The following ITGA11 variants were observed in gnomAD, a reference collection of about 807,000 sequenced individuals.
ITGA11 encodes the protein integrin subunit alpha 11.
In ITGA11, 97 loss-of-function variants were observed where a neutral mutation model predicts 141.9. The observed-to-expected ratio is 0.68, with a 90% CI of 0.58 to 0.81. The LOEUF (loss-of-function observed/expected upper bound fraction) is 0.81. Among genes scored for constraint, ITGA11 ranks in the 30% least tolerant of loss-of-function variants. ITGA11 has a pLI of 0.00. For missense variants in ITGA11, 1,387 were observed against 1,559.2 expected (o/e 0.89, Z 1.86); for synonymous variants, 658 against 624.6 (o/e 1.05, Z -0.80).
At chr15:68,371,331 C>G (rs1567148161) in intron 2 of ITGA11, among the ~76,000 whole-genome samples, 1 of 152,334 alleles carries the variant, frequency 6.6e-6, no homozygotes, top group East Asian at 1.9e-4. Flanking sequence ...TCCTGAGGGA[C>G]ACGTTCCTCC....
intron 8 of ITGA11, 104 bp from the exon 9 acceptor site, chr15:68,350,886 G>T: frequency 8.4e-7 from 1 of 1,188,884 alleles, no homozygotes; most frequent in Non-Finnish European, 1.2e-6. Context: ...GCTGGAGCCA[G>T]GGCCGGTAGC....
At chr15:68,331,796 C>T in intron 14 of ITGA11, 63 bp downstream of exon 14, 1 of 1,380,664 alleles carries the variant, frequency 7.2e-7, no homozygotes, top group South Asian at 1.2e-5. Flanking sequence ...CACAGAAGCT[C>T]CTGGGACTCC....
intron 2 of ITGA11, among the ~76,000 whole-genome samples, chr15:68,372,099 C>G (rs1322958882): frequency 6.6e-6 from 1 of 152,192 alleles, no homozygotes; most frequent in Non-Finnish European, 1.5e-5. Flanking sequence ...CTGGAGTTCT[C>G]CTGGGACAGC....
intron 11 of ITGA11, among the ~76,000 whole-genome samples, chr15:68,336,263 T>C (rs898586): frequency 0.81 from 123,061 of 152,090 alleles, 50,238 homozygotes; most frequent in South Asian, 0.89. Flanking sequence ...TCTTCACTCT[T>C]GGAGACTAAC....
chr15:68,365,877 A>G (rs933905184), intron 3 of ITGA11, among the ~76,000 whole-genome samples: 2 of 151,940 alleles, frequency 1.3e-5, no homozygotes, highest in African/African-American at 4.8e-5. Flanking sequence ...TTGAGCAAGA[A>G]TGGGTTGCAT....
chr15:68,311,464 C>T, intron 24 of ITGA11, 61 bp from the exon 25 acceptor site: 2 of 1,214,820 alleles, frequency 1.6e-6, no homozygotes, highest in South Asian at 2.6e-5. Flanking sequence ...AAACAAGGTC[C>T]ACAGGGGCCA....
At position 68,296,732 on chromosome 15, in the gene ITGA11, A is replaced by T. The variant is rs1276227347; in HGVS notation, c.*6327T>A. 5 of 151,088 alleles carry T rather than the reference A, an allele frequency of 3.3e-5. No individual in the cohort carries two copies. Among genetic ancestry groups the T allele is most frequent in the Non-Finnish European group, 4.4e-5 (3 of 67,880 alleles). The allele number at this position is 151,088 out of a possible 1,614,324, so 9.4% of individuals were successfully genotyped here. A position where few individuals can be genotyped will look rare whatever the true frequency, so the allele number is the denominator to read the frequency against. ...TGGTACTTTTGTATCCAAAGTTTAC[A>T]TTTTTCTATAGTCAAATTTATCACA... On this transcript the variant is annotated 3_prime_UTR_variant, in exon 30 of 30. Coordinates refer to ENST00000315757, the MANE Select transcript of ITGA11 (RefSeq NM_001004439.2).
In ITGA11 at chr15:68,324,368, A is replaced by G. The variant is rs149252368; in HGVS notation, c.2322+763T>C. ...TCTGTCACTCACACAGACGTTGCTC[A>G]GAGACTGGACCTCACAGAATGGCTT... On this transcript the variant is annotated intron_variant, in intron 18 of 29. Transcript: ENST00000315757. The surrounding 1 kb of genome is among the most constrained non-coding windows in gnomAD (Gnocchi z 6.3). Among the ~76,000 whole-genome samples, 351 of 152,340 alleles carry G rather than the reference A, an allele frequency of 2.3e-3. 1 individual carries two copies. Among genetic ancestry groups the G allele is most frequent in the Non-Finnish European group, 3.6e-3 (244 of 68,030 alleles).
intron 2 of ITGA11, among the ~76,000 whole-genome samples, chr15:68,398,928 G>A (rs1298862044): frequency 2.0e-5 from 3 of 151,172 alleles, no homozygotes; most frequent in Non-Finnish European, 4.4e-5. Flanking sequence ...TGAATAAATG[G>A]TAGGATATAC....
chr15:68,350,361 T>C (rs79002979), intron 9 of ITGA11, among the ~76,000 whole-genome samples: 1 of 143,626 alleles, frequency 7.0e-6, no homozygotes, highest in Non-Finnish European at 1.5e-5. Context: ...ATTTTTGTAA[T>C]TTTTTTTTTA....
chr15:68,351,271 C>T lies in ITGA11; in HGVS notation c.881G>A (p.Arg294Lys). ...GCCAGGACTTACGGCCACCGCATAT[C>T]TTGTTACGTTGTCTCTTTCGCTTTG... is the stretch of plus-strand genomic sequence containing the variant. ...IQQSERDNVTRYAVAVLGYYN... is the reference protein window; with the variant it reads ...IQQSERDNVTKYAVAVLGYYN... Residue 294 changes from arginine to lysine, a missense_variant, in exon 8 of 30, where the codon AGA becomes AAA. Transcript: ENST00000315757. 3.1e-6 allele frequency: 5 copies of T among 1,614,020 alleles called. No homozygotes were observed. Among genetic ancestry groups the T allele is most frequent in the Non-Finnish European group, 4.2e-6 (5 of 1,179,888 alleles).
At chr15:68,315,387 G>A (rs1036365640) in intron 22 of ITGA11, among the ~76,000 whole-genome samples, 6 of 152,210 alleles carry the variant, frequency 3.9e-5, no homozygotes, top group African/African-American at 1.4e-4. Context: ...TGTATACAGG[G>A]CTGTCTAAAA....
intron 1 of ITGA11, among the ~76,000 whole-genome samples, chr15:68,429,095 T>C (rs1372937727): frequency 6.6e-6 from 1 of 152,246 alleles, no homozygotes; most frequent in East Asian, 1.9e-4. Flanking sequence ...CTGCTGATGA[T>C]GTTGGAGAAG....
chr15:68,337,940 G>A (rs948549243), intron 11 of ITGA11, among the ~76,000 whole-genome samples: 10 of 152,112 alleles, frequency 6.6e-5, no homozygotes, highest in African/African-American at 2.4e-4. Context: ...CCCTGCGGTG[G>A]AGACCTGGTG....
In ITGA11 at chr15:68,335,988, G is replaced by T; in HGVS notation, c.1277-143C>A. Reference sequence around the variant, plus strand: ...TAGCTGAGCAGATTCAATCACGCAGGGCCATAATTCCTAGGGGCAGCTGGG... The same window carrying T: ...TAGCTGAGCAGATTCAATCACGCAGTGCCATAATTCCTAGGGGCAGCTGGG... On this transcript the variant is annotated intron_variant, in intron 11 of 29. Transcript: ENST00000315757. The surrounding 1 kb of genome is among the most constrained non-coding windows in gnomAD (Gnocchi z 4.9). 1.0e-6 allele frequency: 1 copy of T among 974,324 alleles called. No individual in the cohort carries two copies. Among genetic ancestry groups the T allele is most frequent in the Non-Finnish European group, 1.5e-6 (1 of 661,372 alleles). The allele number at this position is 974,324 out of a possible 1,614,324, so 60.4% of individuals were successfully genotyped here. A position where few individuals can be genotyped will look rare whatever the true frequency, so the allele number is the denominator to read the frequency against.
intron 2 of ITGA11, among the ~76,000 whole-genome samples, chr15:68,376,913 C>A (rs908105306): frequency 6.6e-6 from 1 of 152,204 alleles, no homozygotes; most frequent in Non-Finnish European, 1.5e-5. Flanking sequence ...ACCCAGGAAT[C>A]TGCAGATCCT....
chr15:68,336,577 C>T (rs180863259), intron 11 of ITGA11, among the ~76,000 whole-genome samples: 1 of 152,180 alleles, frequency 6.6e-6, no homozygotes, highest in African/African-American at 2.4e-5. Context: ...ACCCAGTACC[C>T]AGGAAGCAAA....
Position 68,332,344 on chromosome 15 carries a change from C to G in ITGA11, c.1560G>C (p.Leu520=). Residue 520 remains leucine (L), a synonymous_variant, in exon 13 of 30, where the codon CTG becomes CTC. Transcript: ENST00000315757. ...AGCCCCTGCCCAGCTGTACCTGTCT[C>G]AGCTCATAGACGTACACCTTGCCTC... ...RERGKVYVYE[L]RQNLFVYNGT... is the part of the protein sequence containing the mutation. 1 of 1,604,802 alleles carries G rather than the reference C, an allele frequency of 6.2e-7. No homozygotes were observed.
rs923029011 is a variant in ITGA11, at chr15:68,299,156, G to A, written c.*3903C>T. ...TGGACCTGGTAAGTTTGCTAGGTAC[G>A]GCTTAGCATACATCTTATTGAAAAG... On this transcript the variant is annotated 3_prime_UTR_variant, in exon 30 of 30. Transcript: ENST00000315757. 1.3e-5 allele frequency: 2 copies of A among 152,134 alleles called. No individual in the cohort carries two copies. Among genetic ancestry groups the A allele is most frequent in the South Asian group, 2.1e-4 (1 of 4,826 alleles). 9.4% of individuals were successfully genotyped at this position (152,134 alleles called of 1,614,324 possible). A position where few individuals can be genotyped will look rare whatever the true frequency, so the allele number is the denominator to read the frequency against.
Sources: allele counts gnomAD v4.1 joint callset (sites outside exome capture counted in the v4.1 genomes callset), GRCh38; gene constraint gnomAD v4.1.1; non-coding constraint Gnocchi (gnomAD v3.1); transcripts MANE v1.5; gene names NCBI Gene and HGNC (gene_info 2026-07-23, HGNC 2026-07-21).